MACROD2: variants seen among roughly 807,000 people sequenced by gnomAD.
MACROD2 encodes mono-ADP ribosylhydrolase 2, also known as ADP-ribose glycohydrolase MACROD2.
Under a neutral mutation model 70.4 loss-of-function variants are expected in MACROD2, and 36 were observed. The observed-to-expected ratio is 0.51, with a 90% CI of 0.39 to 0.68. The LOEUF (loss-of-function observed/expected upper bound fraction) is 0.68. Among genes scored for constraint, MACROD2 ranks in the 30% least tolerant of loss-of-function variants. The pLI is 0.00. For synonymous variants in MACROD2, 172 were observed against 178.8 expected, an observed-to-expected ratio of 0.96 and a Z score of 0.30; for missense variants, 496 against 538.4, an observed-to-expected ratio of 0.92 and a Z score of 0.78.
At chr20:14,416,834 G>A (rs888480550) in intron 3 of MACROD2, among the ~76,000 whole-genome samples, 1 of 152,154 alleles carries the variant, frequency 6.6e-6, no homozygotes, top group Non-Finnish European at 1.5e-5. Context: ...TAGTTTTTCA[G>A]TTGGGCATGG....
At chr20:14,458,169 G>C (rs2084325664) in intron 3 of MACROD2, among the ~76,000 whole-genome samples, 1 of 151,674 alleles carries the variant, frequency 6.6e-6, no homozygotes. Context: ...TTACAATTTA[G>C]ATATTTAGAT....
intron 5 of MACROD2, among the ~76,000 whole-genome samples, chr20:14,721,745 C>T (rs1108641): frequency 0.67 from 101,643 of 151,932 alleles, 34,200 homozygotes; most frequent in South Asian, 0.74. Context: ...TCAAGACTCT[C>T]CTAAATTTAG....
At chr20:15,999,656 G>A (rs572297257) in intron 15 of MACROD2, among the ~76,000 whole-genome samples, 1 of 152,284 alleles carries the variant, frequency 6.6e-6, no homozygotes, top group East Asian at 1.9e-4. Context: ...ATGCTCTGAT[G>A]TTTGGTGGAT....
chr20:14,838,620 A>G (rs1705790682), intron 5 of MACROD2, among the ~76,000 whole-genome samples: 1 of 152,158 alleles, frequency 6.6e-6, no homozygotes, highest in Non-Finnish European at 1.5e-5. Flanking sequence ...TTAAAAAAAT[A>G]AATTTTGAAA....
At chr20:15,463,169 TAG>T (rs1275405474) in intron 7 of MACROD2, among the ~76,000 whole-genome samples, 2 of 152,176 alleles carry the variant, frequency 1.3e-5, no homozygotes, top group East Asian at 3.8e-4. Context: ...TTGGCATAAC[TAG>T]AGATAGCCAT....
intron 7 of MACROD2, among the ~76,000 whole-genome samples, chr20:15,475,410 G>A (rs2047009687): frequency 6.6e-6 from 1 of 152,228 alleles, no homozygotes; most frequent in Non-Finnish European, 1.5e-5. Flanking sequence ...GATGTGGCAA[G>A]CTTTCTGTTA....
chr20:14,226,006 G>A (rs986720809), intron 3 of MACROD2, among the ~76,000 whole-genome samples: 1 of 152,200 alleles, frequency 6.6e-6, no homozygotes, highest in Non-Finnish European at 1.5e-5. Flanking sequence ...GTGTGAGAGG[G>A]AAGTTGGTAG....
intron 5 of MACROD2, among the ~76,000 whole-genome samples, chr20:14,754,191 T>C (rs1035642063): frequency 1.3e-4 from 20 of 152,140 alleles, no homozygotes; most frequent in African/African-American, 4.8e-4. Context: ...ATGGTACCCT[T>C]GGCAAATAGA....
intron 3 of MACROD2, among the ~76,000 whole-genome samples, chr20:14,301,124 A>C (rs2082471346): frequency 6.6e-6 from 1 of 152,120 alleles, no homozygotes. Flanking sequence ...AGCAGTTCCT[A>C]ATTTACCTGA....
rs187732805 is a variant in MACROD2, at chr20:15,219,790, A to G, written c.419-10150A>G. On this transcript the variant is annotated intron_variant, in intron 5 of 17. Coordinates refer to ENST00000684519, the MANE Select transcript of MACROD2 (RefSeq NM_001351661.2). ...ACTTTTTAAAGAAATGTGAATAGTG[A>G]GCCCATTAATTCCTTCAGAGGGTGT... Among the ~76,000 whole-genome samples the G allele has an allele frequency of 3.3e-5, 5 of 152,218 alleles. No homozygotes were observed. In the East Asian group the frequency reaches 9.6e-4, roughly 29 times the overall value.
At chr20:15,050,770 C>T (rs1156835261) in intron 5 of MACROD2, among the ~76,000 whole-genome samples, 10 of 147,668 alleles carry the variant, frequency 6.8e-5, no homozygotes, top group African/African-American at 2.5e-4. Flanking sequence ...TAAAACTTGT[C>T]ATATATCTCA....
At chr20:14,233,599 A>G (rs1372937321) in intron 3 of MACROD2, among the ~76,000 whole-genome samples, 3 of 147,314 alleles carry the variant, frequency 2.0e-5, no homozygotes, top group Non-Finnish European at 4.5e-5. Context: ...CGGGAGGCTG[A>G]GGCAGGAGAA....
intron 6 of MACROD2, among the ~76,000 whole-genome samples, chr20:15,398,544 A>G (rs773856623): frequency 7.9e-5 from 12 of 152,214 alleles, no homozygotes; most frequent in Non-Finnish European, 1.5e-4. Context: ...AATGCTTACG[A>G]GAATATAAAT....
intron 5 of MACROD2, among the ~76,000 whole-genome samples, chr20:15,183,715 C>T (rs1568622265): frequency 6.6e-6 from 1 of 152,190 alleles, no homozygotes. Context: ...AAGCCCAAAA[C>T]AGTAGGCAGC....
chr20:14,124,643 TA>T (rs1247876795), intron 3 of MACROD2, among the ~76,000 whole-genome samples: 5 of 152,026 alleles, frequency 3.3e-5, no homozygotes, highest in African/African-American at 1.2e-4. Context: ...GAGAATGGAA[TA>T]AAAAGTGCTG....
intron 5 of MACROD2, among the ~76,000 whole-genome samples, chr20:15,111,324 C>T (rs988121626): frequency 3.9e-5 from 6 of 151,942 alleles, no homozygotes; most frequent in African/African-American, 1.4e-4. Context: ...AGGTGCCTGC[C>T]ACTGCACCTG....
rs542729165 is a variant in MACROD2, at chr20:15,881,143, G to T, written c.728-4621G>T. Reference sequence around the variant, plus strand: ...GGTAGAGCTCAAGAAATGGTTATTTGACTAGCAAAAATAGTTATAAAAATG... The same window carrying T: ...GGTAGAGCTCAAGAAATGGTTATTTTACTAGCAAAAATAGTTATAAAAATG... On this transcript the variant is annotated intron_variant, in intron 9 of 17. Transcript: ENST00000684519. 2.0e-5 allele frequency among the ~76,000 whole-genome samples: 3 copies of T among 152,190 alleles called. No individual in the cohort carries two copies. In the South Asian group the frequency reaches 6.2e-4, roughly 32 times the overall value.
chr20:14,444,685 A>AT (rs1424388417), intron 3 of MACROD2, among the ~76,000 whole-genome samples: 4 of 152,140 alleles, frequency 2.6e-5, no homozygotes, highest in Non-Finnish European at 5.9e-5. Context: ...CTTCACTTGA[A>AT]TATCCAACTC....
At chr20:14,393,151 T>C (rs2083546235) in intron 3 of MACROD2, among the ~76,000 whole-genome samples, 1 of 152,156 alleles carries the variant, frequency 6.6e-6, no homozygotes, top group South Asian at 2.1e-4. Context: ...CATTGAAATA[T>C]TGTTAAATGA....
Sources: allele counts gnomAD v4.1 joint callset (sites outside exome capture counted in the v4.1 genomes callset), GRCh38; gene constraint gnomAD v4.1.1; transcripts MANE v1.5; gene names NCBI Gene and HGNC (gene_info 2026-07-23, HGNC 2026-07-21).